RNF150: variants seen among roughly 807,000 people sequenced by gnomAD.
The protein encoded by RNF150 is ring finger protein 150.
Under a neutral mutation model 39.3 loss-of-function variants are expected in RNF150, and 24 were observed. The ratio of observed to expected loss-of-function variants is 0.61; its 90% CI spans 0.44 to 0.86. The LOEUF is 0.86. Among genes scored for constraint, RNF150 ranks in the 40% least tolerant of loss-of-function variants. The pLI is 0.00. For synonymous variants in RNF150, 255 were observed against 227.3 expected (o/e 1.12, Z -1.10); for missense variants, 502 against 587.8 (o/e 0.85, Z 1.51).
intron 1 of RNF150, among the ~76,000 whole-genome samples, chr4:140,976,997 A>G (rs955861766): frequency 2.0e-5 from 3 of 151,534 alleles, no homozygotes; most frequent in African/African-American, 7.3e-5. Flanking sequence ...AACCTCCCAC[A>G]CCCCCTCCCA....
intron 1 of RNF150, among the ~76,000 whole-genome samples, chr4:141,103,090 T>G (rs923919636): frequency 6.6e-5 from 10 of 152,208 alleles, no homozygotes; most frequent in African/African-American, 1.9e-4. Flanking sequence ...CCCGTAACTG[T>G]GTAGGCTCCA....
intron 4 of RNF150, among the ~76,000 whole-genome samples, chr4:140,940,965 G>T (rs1435467496): frequency 1.3e-5 from 2 of 152,038 alleles, no homozygotes; most frequent in African/African-American, 2.4e-5. Context: ...GTGAAGCCAA[G>T]AACCCTCCTG....
chr4:140,921,779 T>C (rs1011081627), intron 5 of RNF150, among the ~76,000 whole-genome samples: 2 of 152,282 alleles, frequency 1.3e-5, no homozygotes, highest in African/African-American at 4.8e-5. Context: ...TAAGATCAAG[T>C]GGGCTTCATC....
At chr4:141,204,990 GCATAGTTAACC>G (rs2111222564) in intron 1 of RNF150, among the ~76,000 whole-genome samples, 2 of 152,212 alleles carry the variant, frequency 1.3e-5, no homozygotes, top group South Asian at 4.1e-4. Context: ...CTTTTTCTGA[GCATAGTTAACC>G]CATTTGGGAT....
chr4:141,016,460 T>C (rs1014626330), intron 1 of RNF150, among the ~76,000 whole-genome samples: 4 of 105,540 alleles, frequency 3.8e-5, no homozygotes, highest in Admixed American at 1.1e-4. Context: ...TAAATATGAC[T>C]GCAGACCTGT....
chr4:141,204,890 G>T (rs541103924), intron 1 of RNF150, among the ~76,000 whole-genome samples: 3 of 152,010 alleles, frequency 2.0e-5, no homozygotes, highest in African/African-American at 4.8e-5. Context: ...TATTTTAAAG[G>T]ACCTTTTTCA....
chr4:141,075,011 A>T (rs1321828700), intron 1 of RNF150, among the ~76,000 whole-genome samples: 3 of 152,184 alleles, frequency 2.0e-5, no homozygotes, highest in African/African-American at 4.8e-5. Flanking sequence ...TTTTGTCTTA[A>T]ATATACTGTC....
intron 1 of RNF150, among the ~76,000 whole-genome samples, chr4:141,127,962 C>T (rs186884186): frequency 3.8e-4 from 58 of 152,232 alleles, no homozygotes; most frequent in African/African-American, 1.2e-3. Flanking sequence ...TCAATTTAAG[C>T]CAAAAGAAAG....
At chr4:141,013,023 G>A (rs1735132176) in intron 1 of RNF150, among the ~76,000 whole-genome samples, 1 of 152,138 alleles carries the variant, frequency 6.6e-6, no homozygotes, top group African/African-American at 2.4e-5. Context: ...CAAACTGCCT[G>A]TAAAAAGACA....
chr4:140,986,124 T>G (rs1336390884), intron 1 of RNF150, among the ~76,000 whole-genome samples: 1 of 152,126 alleles, frequency 6.6e-6, no homozygotes, highest in Non-Finnish European at 1.5e-5. Flanking sequence ...ATAAATAGAT[T>G]ACTTATATTA....
At chr4:141,129,207 C>A (rs754331860) in intron 1 of RNF150, among the ~76,000 whole-genome samples, 2 of 152,086 alleles carry the variant, frequency 1.3e-5, no homozygotes, top group Non-Finnish European at 2.9e-5. Context: ...GTAGAAACAA[C>A]GTAATTTTCC....
chr4:140,930,763 G>T (rs931923693), intron 4 of RNF150, among the ~76,000 whole-genome samples: 6 of 152,182 alleles, frequency 3.9e-5, no homozygotes, highest in Non-Finnish European at 8.8e-5. Context: ...ATTGTTGCCA[G>T]ATTTATCTTC....
intron 1 of RNF150, among the ~76,000 whole-genome samples, chr4:141,188,680 T>C (rs1288102282): frequency 2.0e-5 from 3 of 152,250 alleles, no homozygotes; most frequent in African/African-American, 4.8e-5. Flanking sequence ...GGTCTCATGC[T>C]GTGTTTTTCA....
intron 1 of RNF150, among the ~76,000 whole-genome samples, chr4:141,049,290 T>C (rs947106568): frequency 6.6e-5 from 10 of 150,694 alleles, no homozygotes; most frequent in African/African-American, 2.2e-4. Context: ...CACAAAAACT[T>C]AAGTTGTAGA....
At chr4:141,025,476 G>C (rs185676878) in intron 1 of RNF150, among the ~76,000 whole-genome samples, 129 of 151,806 alleles carry the variant, frequency 8.5e-4, no homozygotes, top group African/African-American at 3.0e-3. Context: ...TCTATTATAA[G>C]ACCCTTGCTT....
intron 1 of RNF150, among the ~76,000 whole-genome samples, chr4:141,060,596 G>C (rs1236178821): frequency 1.3e-5 from 2 of 151,966 alleles, no homozygotes; most frequent in South Asian, 4.1e-4. Flanking sequence ...GTAAACAAAG[G>C]TTTTTAATTC....
intron 1 of RNF150, among the ~76,000 whole-genome samples, chr4:141,090,990 C>T (rs549395431): frequency 1.3e-5 from 2 of 152,290 alleles, no homozygotes; most frequent in South Asian, 4.1e-4. Flanking sequence ...CTGAAAGCTC[C>T]ACTCTATTCT....
intron 1 of RNF150, among the ~76,000 whole-genome samples, chr4:141,171,448 G>A (rs1727719469): frequency 8.5e-6 from 1 of 117,046 alleles, no homozygotes; most frequent in Non-Finnish European, 1.7e-5. Flanking sequence ...GCATCTATGA[G>A]AGACAGACAG....
intron 1 of RNF150, among the ~76,000 whole-genome samples, chr4:141,013,507 T>C (rs190034292): frequency 6.6e-6 from 1 of 152,338 alleles, no homozygotes; most frequent in Non-Finnish European, 1.5e-5. Flanking sequence ...CACACCAAAC[T>C]ACATTCCAAA....
Sources: allele counts gnomAD v4.1 joint callset (sites outside exome capture counted in the v4.1 genomes callset), GRCh38; gene constraint gnomAD v4.1.1; transcripts MANE v1.5; gene names NCBI Gene and HGNC (gene_info 2026-07-23, HGNC 2026-07-21).